The following NFIX variants were observed in gnomAD, a reference collection of about 807,000 sequenced individuals.
The protein encoded by NFIX is nuclear factor I X.
A neutral mutation model predicts 53.3 loss-of-function variants in NFIX; 2 were observed. The observed-to-expected ratio is 0.04, with a 90% CI of 0.02 to 0.12. The LOEUF is 0.12. Ranked by LOEUF, NFIX falls within the 10% of genes least tolerant of loss-of-function variation. NFIX has a pLI of 1.00. For missense variants in NFIX, 310 were observed against 674.5 expected, an observed-to-expected ratio of 0.46 and a Z score of 5.99; for synonymous variants, 244 against 289.0, an observed-to-expected ratio of 0.84 and a Z score of 1.58.
At chr19:13,064,500 G>A (rs982331418) in intron 2 of NFIX, among the ~76,000 whole-genome samples, 3 of 152,192 alleles carry the variant, frequency 2.0e-5, no homozygotes, top group African/African-American at 7.2e-5. Context: ...TCTTGAGACC[G>A]TTGGATGGCT....
intron 2 of NFIX, among the ~76,000 whole-genome samples, chr19:13,064,082 C>G (rs1010906908): frequency 1.6e-4 from 24 of 152,128 alleles, no homozygotes; most frequent in Non-Finnish European, 2.2e-4. Context: ...GGACCCCCCC[C>G]CTCCCCAGGG....
chr19:13,015,439 C>T (rs2012606412), intron 1 of NFIX, among the ~76,000 whole-genome samples: 1 of 152,184 alleles, frequency 6.6e-6, no homozygotes, highest in South Asian at 2.1e-4. Flanking sequence ...CTTGCTCACT[C>T]TCTCTGCTCT....
chr19:12,999,064 A>G (rs747804645), intron 1 of NFIX, among the ~76,000 whole-genome samples: 3 of 152,190 alleles, frequency 2.0e-5, no homozygotes, highest in East Asian at 3.8e-4. Flanking sequence ...ACCCCCACAC[A>G]TGCTCACATG....
At chr19:13,030,164 G>T (rs1056044278) in intron 2 of NFIX, among the ~76,000 whole-genome samples, 1 of 152,212 alleles carries the variant, frequency 6.6e-6, no homozygotes, top group Non-Finnish European at 1.5e-5. Flanking sequence ...GACAAAGATC[G>T]CAGGGCCCTG....
intron 2 of NFIX, among the ~76,000 whole-genome samples, chr19:13,039,064 G>A (rs2060522155): frequency 6.6e-6 from 1 of 152,182 alleles, no homozygotes; most frequent in African/African-American, 2.4e-5. Flanking sequence ...TCAGGATATT[G>A]CCAGCCCAAA....
chr19:13,086,580 G>A (rs921251932), intron 8 of NFIX, among the ~76,000 whole-genome samples: 1 of 152,192 alleles, frequency 6.6e-6, no homozygotes, highest in African/African-American at 2.4e-5. Flanking sequence ...TGCACCGCAG[G>A]ATGTCGAGGA....
In NFIX at chr19:13,088,416, G is replaced by A. The variant is rs1012837650; in HGVS notation, c.1402+280G>A. Among the ~76,000 whole-genome samples, 8 of 152,058 alleles carry A rather than the reference G, an allele frequency of 5.3e-5. No homozygotes were observed. Among genetic ancestry groups the A allele is most frequent in the Non-Finnish European group, 1.0e-4 (7 of 67,962 alleles). On this transcript the variant is annotated intron_variant, in intron 9 of 10. Transcript: ENST00000592199. The surrounding 1 kb of genome is among the most constrained non-coding windows in gnomAD (Gnocchi z 5.9). ...GGGAGGGAGAGCACAGCTGGGGCGC[G>A]CAGGCCAGGGGTGCTGGCGGGGGTG...
At chr19:13,076,318 A>G (rs11878189) in intron 6 of NFIX, among the ~76,000 whole-genome samples, 7,227 of 152,238 alleles carry the variant, frequency 0.047, 552 homozygotes, top group African/African-American at 0.16. Flanking sequence ...GAGAGAGTAC[A>G]GAGGAAGCCA....
chr19:13,008,989 T>C (rs1169497707), intron 1 of NFIX, among the ~76,000 whole-genome samples: 3 of 152,096 alleles, frequency 2.0e-5, no homozygotes, highest in Non-Finnish European at 2.9e-5. Context: ...CTCACCGAGG[T>C]AGATTTGCGG....
chr19:13,075,715 A>G (rs1034342928), intron 6 of NFIX, 44 bp downstream of exon 6: 2 of 1,594,054 alleles, frequency 1.3e-6, no homozygotes, highest in Non-Finnish European at 1.7e-6. Flanking sequence ...GGCAGCCCAG[A>G]GTCTTTTTGT....
At position 13,029,598 on chromosome 19, in the gene NFIX, C is replaced by A. The variant is rs80180404; in HGVS notation, c.559+4046C>A. ...GTCCTGTGGGGTTTCCTCAGCTGGA[C>A]TCTGCAGGCTGCGCTGCCCCGAGTG... On this transcript the variant is annotated intron_variant, in intron 2 of 10. Coordinates refer to ENST00000592199, the MANE Select transcript of NFIX (RefSeq NM_001365902.3). Among the ~76,000 whole-genome samples, 516 of 152,264 alleles carry A rather than the reference C, an allele frequency of 3.4e-3. 6 individuals carry two copies. Among genetic ancestry groups the A allele is most frequent in the African/African-American group, 0.012 (500 of 41,540 alleles).
Position 13,045,647 on chromosome 19 carries a change from A to G in NFIX, c.559+20095A>G, listed in dbSNP as rs1157709462. ...AGCAGTCTGTTGCCAGGGAGGTAGG[A>G]GAGAGGGGCAGCAGGCACACTGGGT... On this transcript the variant is annotated intron_variant, in intron 2 of 10. Coordinates refer to ENST00000592199, the MANE Select transcript of NFIX (RefSeq NM_001365902.3). This position sits in a 1 kb window ranked among gnomAD's most constrained non-coding sequence, Gnocchi z 4.4. Among the ~76,000 whole-genome samples the G allele has an allele frequency of 5.3e-5, 8 of 152,086 alleles. No individual in the cohort carries two copies. The highest frequency in any genetic ancestry group is 1.9e-4 in the African/African-American group (8 of 41,416).
At position 13,066,288 on chromosome 19, in the gene NFIX, A is replaced by T. The variant is rs1320161444; in HGVS notation, c.560-6759A>T. Among the ~76,000 whole-genome samples the T allele has an allele frequency of 6.6e-6, 1 of 152,128 alleles. No homozygotes were observed. Among genetic ancestry groups the T allele is most frequent in the Non-Finnish European group, 1.5e-5 (1 of 68,000 alleles). Reference sequence around the variant, plus strand: ...AAGTAGTTCTTCCTGGGGTCAGGGGATGGAGAGGGGAATGTCCCATCCAGA... The same window carrying T: ...AAGTAGTTCTTCCTGGGGTCAGGGGTTGGAGAGGGGAATGTCCCATCCAGA... On this transcript the variant is annotated intron_variant, in intron 2 of 10. Transcript: ENST00000592199. The surrounding 1 kb of genome is among the most constrained non-coding windows in gnomAD (Gnocchi z 4.2).
rs2014901108 is a variant in NFIX at position 13,045,112 on chromosome 19, G to A, written c.559+19560G>A. 6.6e-6 allele frequency among the ~76,000 whole-genome samples: 1 copy of A among 152,202 alleles called. No homozygotes were observed. The highest frequency in any genetic ancestry group is 1.5e-5 in the Non-Finnish European group (1 of 68,030). On this transcript the variant is annotated intron_variant, in intron 2 of 10. Transcript: ENST00000592199. This position sits in a 1 kb window ranked among gnomAD's most constrained non-coding sequence, Gnocchi z 4.4. The stretch of plus-strand genomic sequence containing the variant: ...CTGACCACATGGGCTCCATGCTGAA[G>A]GCTGCTTTACTTCTGGACAGGCCTT...
intron 1 of NFIX, among the ~76,000 whole-genome samples, chr19:13,017,202 G>C (rs1363123059): frequency 6.6e-6 from 1 of 152,152 alleles, no homozygotes; most frequent in Non-Finnish European, 1.5e-5. Context: ...GGGGAGGGAC[G>C]GAGCGTGGCC....
At chr19:13,070,206 C>T (rs1463567371) in intron 2 of NFIX, 3 of 152,338 alleles carry the variant, frequency 2.0e-5, no homozygotes, top group African/African-American at 7.2e-5. Flanking sequence ...TGGTTCCTGC[C>T]AGCCTCCTTC....
intron 8 of NFIX, among the ~76,000 whole-genome samples, chr19:13,086,147 C>T (rs146127382): frequency 3.9e-5 from 6 of 152,334 alleles, no homozygotes; most frequent in Non-Finnish European, 8.8e-5. Flanking sequence ...GCCTGTGTTC[C>T]GGAAACCCCA....
intron 7 of NFIX, among the ~76,000 whole-genome samples, chr19:13,080,975 G>A (rs1024326878): frequency 4.2e-4 from 64 of 150,756 alleles, no homozygotes; most frequent in Admixed American, 1.3e-4. Context: ...ACTCCAGCCT[G>A]GGTGAGAGAG....
Position 13,094,068 on chromosome 19 carries a change from G to A in NFIX, c.1495-567G>A, listed in dbSNP as rs1251674472. On this transcript the variant is annotated intron_variant, in intron 10 of 10. Transcript: ENST00000592199. This position sits in a 1 kb window ranked among gnomAD's most constrained non-coding sequence, Gnocchi z 4.3. ...AGGATCCAGCACCATGGGCTACGTG[G>A]CCCCTCCCCCAGGCCTGGCGCTACT... Among the ~76,000 whole-genome samples, 4 of 152,188 alleles carry A rather than the reference G, an allele frequency of 2.6e-5. No homozygotes were observed. The highest frequency in any genetic ancestry group is 4.8e-5 in the African/African-American group (2 of 41,430).
Sources: gnomAD v4.1 joint callset for allele counts (sites outside exome capture counted in the v4.1 genomes callset) on GRCh38, gnomAD v4.1.1 for gene constraint, Gnocchi (gnomAD v3.1) non-coding constraint, MANE v1.5 for transcripts, NCBI Gene and HGNC (gene_info 2026-07-23, HGNC 2026-07-21) for gene names.